CEP126: variants seen among roughly 807,000 people sequenced by gnomAD.
CEP126 encodes centrosomal protein of 126 kDa.
In CEP126, 74 loss-of-function variants were observed where a neutral mutation model predicts 107.8. That is an observed-to-expected ratio of 0.69 (90% CI 0.57 to 0.83). CEP126 has a LOEUF of 0.83. Among genes scored for constraint, CEP126 ranks in the 40% least tolerant of loss-of-function variants. The pLI is 0.00. For missense variants in CEP126, 1,237 were observed against 1,281.9 expected, an observed-to-expected ratio of 0.96 and a Z score of 0.53; for synonymous variants, 449 against 446.0, an observed-to-expected ratio of 1.01 and a Z score of -0.08.
intron 1 of CEP126, among the ~76,000 whole-genome samples, chr11:101,916,949 CTAAA>C (rs1178493008): frequency 6.6e-6 from 1 of 150,592 alleles, no homozygotes; most frequent in African/African-American, 2.4e-5. Context: ...TCCTTAAAGG[CTAAA>C]TATATAGTTA....
At chr11:101,981,800 C>T in intron 7 of CEP126, 89 bp from the exon 8 acceptor site, 1 of 687,028 alleles carries the variant, frequency 1.5e-6, no homozygotes, top group South Asian at 1.9e-5. Flanking sequence ...AAAATATATA[C>T]AGCAATTAAA....
At chr11:101,918,984 T>A (rs111726335) in intron 1 of CEP126, among the ~76,000 whole-genome samples, 25 of 152,290 alleles carry the variant, frequency 1.6e-4, no homozygotes, top group African/African-American at 4.3e-4. Flanking sequence ...TACAGGGAAA[T>A]GTTAAGAAAT....
At chr11:101,917,027 AAT>A (rs1491290324) in intron 1 of CEP126, among the ~76,000 whole-genome samples, 40 of 90,220 alleles carry the variant, frequency 4.4e-4, no homozygotes, top group African/African-American at 1.1e-3. Flanking sequence ...AAAATCCAAC[AAT>A]GTGTGTGTGT....
At chr11:101,966,966 G>T (rs183811401) in intron 6 of CEP126, among the ~76,000 whole-genome samples, 1 of 150,706 alleles carries the variant, frequency 6.6e-6, no homozygotes, top group African/African-American at 2.4e-5. Flanking sequence ...TACCCTACTG[G>T]GCTTCTTTAG....
At chr11:101,992,927 T>C in intron 10 of CEP126, 85 bp downstream of exon 10, 1 of 1,212,316 alleles carries the variant, frequency 8.2e-7, no homozygotes, top group South Asian at 3.3e-5. Flanking sequence ...GAACCCCGTA[T>C]TAATATTAAT....
chr11:101,978,470 T>C lies in CEP126; in HGVS notation c.2958+11T>C, dbSNP rs2137124717. 6.6e-7 allele frequency: 1 copy of C among 1,510,982 alleles called. No individual in the cohort carries two copies. 93.6% of individuals were successfully genotyped at this position (1,510,982 alleles called of 1,614,324 possible). A position where few individuals can be genotyped will look rare whatever the true frequency, so the allele number is the denominator to read the frequency against. On this transcript the variant is annotated intron_variant, in intron 7 of 10. Transcript: ENST00000263468. ...AGTGAGCAAATTAATGTAAGTATGG[T>C]ATTAATCAAAATCTCTATTCAATAT...
At chr11:101,979,551 C>T (rs1368117805) in intron 7 of CEP126, among the ~76,000 whole-genome samples, 2 of 152,006 alleles carry the variant, frequency 1.3e-5, no homozygotes, top group African/African-American at 2.4e-5. Context: ...AGTTCAAGAC[C>T]AGCATGGGCA....
At chr11:101,922,129 G>T (rs1169508676) in intron 1 of CEP126, among the ~76,000 whole-genome samples, 1 of 149,544 alleles carries the variant, frequency 6.7e-6, no homozygotes, top group Non-Finnish European at 1.5e-5. Flanking sequence ...TCCAGGAAAA[G>T]TGAGCTATAT....
At chr11:101,952,093 G>A (rs1463444474) in intron 4 of CEP126, among the ~76,000 whole-genome samples, 1 of 152,154 alleles carries the variant, frequency 6.6e-6, no homozygotes, top group Admixed American at 6.5e-5. Flanking sequence ...AGATAGATGA[G>A]GAGGGTATTT....
chr11:101,921,777 CTTTTT>C (rs747642967), intron 1 of CEP126, among the ~76,000 whole-genome samples: 8 of 55,004 alleles, frequency 1.5e-4, no homozygotes, highest in African/African-American at 5.8e-4. Flanking sequence ...TTCATGATTT[CTTTTT>C]TTTTTTTTTT....
At chr11:101,981,316 CAG>C in intron 7 of CEP126, among the ~76,000 whole-genome samples, 1 of 152,032 alleles carries the variant, frequency 6.6e-6, no homozygotes, top group Non-Finnish European at 1.5e-5. Flanking sequence ...ATTTTTGAGA[CAG>C]AGTCTCGCTC....
chr11:101,951,241 C>T lies in CEP126; in HGVS notation c.506+3099C>T, dbSNP rs555185738. Among the ~76,000 whole-genome samples, 4 of 152,230 alleles carry T rather than the reference C, an allele frequency of 2.6e-5. No individual in the cohort carries two copies. In the South Asian group the frequency reaches 8.3e-4, roughly 32 times the overall value. On this transcript the variant is annotated intron_variant, in intron 4 of 10. Coordinates refer to ENST00000263468, the MANE Select transcript of CEP126 (RefSeq NM_020802.4). Reference sequence around the variant, plus strand: ...AGTATAGGCTGGGCATAGTGGCCCACACCTGTAATTTCAGTGCTTTGGGAG... The same window carrying T: ...AGTATAGGCTGGGCATAGTGGCCCATACCTGTAATTTCAGTGCTTTGGGAG...
chr11:101,921,435 G>A (rs1216353497), intron 1 of CEP126, among the ~76,000 whole-genome samples: 5 of 152,094 alleles, frequency 3.3e-5, no homozygotes, highest in African/African-American at 9.6e-5. Flanking sequence ...GGCCAAGCAC[G>A]GTGGCTCACG....
At chr11:101,934,409 A>T (rs1940546635) in intron 2 of CEP126, among the ~76,000 whole-genome samples, 1 of 151,804 alleles carries the variant, frequency 6.6e-6, no homozygotes, top group African/African-American at 2.4e-5. Flanking sequence ...TCAATCTCTG[A>T]TCTATATCTC....
At chr11:101,917,637 C>T (rs908665551) in intron 1 of CEP126, among the ~76,000 whole-genome samples, 5 of 151,552 alleles carry the variant, frequency 3.3e-5, no homozygotes, top group African/African-American at 1.2e-4. Flanking sequence ...CTCTCATGTC[C>T]CCTTATACCT....
rs1311089440 is a variant in CEP126 at position 101,999,289 on chromosome 11, A to T, written c.*1646A>T. On this transcript the variant is annotated 3_prime_UTR_variant, in exon 11 of 11. Coordinates refer to ENST00000263468, the MANE Select transcript of CEP126 (RefSeq NM_020802.4). ...GAATCATTCCAAGCACCTCAGATGAAAACTCACTTTTATTAAAAAAAAAAA... is the reference window on the plus strand; with the variant it reads ...GAATCATTCCAAGCACCTCAGATGATAACTCACTTTTATTAAAAAAAAAAA... The T allele has an allele frequency of 6.6e-6, 1 of 151,836 alleles. No homozygotes were observed. The allele number at this position is 151,836 out of a possible 1,614,324, so 9.4% of individuals were successfully genotyped here. A position where few individuals can be genotyped will look rare whatever the true frequency, so the allele number is the denominator to read the frequency against.
Position 101,962,170 on chromosome 11 carries a change from C to T in CEP126, c.1135C>T (p.Leu379=), listed in dbSNP as rs1254652403. Residue 379 remains leucine (L), a synonymous_variant, in exon 6 of 11, where the codon CTA becomes TTA. Coordinates refer to ENST00000263468, the MANE Select transcript of CEP126 (RefSeq NM_020802.4). ...TGTATCTAGCCCACCCATGTTTGTA[C>T]TAGATAAAAAATGTGAAAAGACCTC... ...PFVSSPPMFV[L]DKKCEKTSET... 4 of 1,613,548 alleles carry T rather than the reference C, an allele frequency of 2.5e-6. No individual in the cohort carries two copies. In the Middle Eastern group the frequency reaches 6.6e-4, roughly 266 times the overall value.
intron 3 of CEP126, among the ~76,000 whole-genome samples, chr11:101,946,184 G>A (rs1203880519): frequency 6.6e-6 from 1 of 151,248 alleles, no homozygotes; most frequent in African/African-American, 2.4e-5. Context: ...CTTCGCTACT[G>A]TGCCCAGCCA....
At chr11:101,968,893 G>A (rs920298288) in intron 6 of CEP126, among the ~76,000 whole-genome samples, 2 of 152,150 alleles carry the variant, frequency 1.3e-5, no homozygotes, top group African/African-American at 2.4e-5. Flanking sequence ...GTAATTGGGT[G>A]TGAATGGGAA....
Sources: gnomAD v4.1 joint callset for allele counts (sites outside exome capture counted in the v4.1 genomes callset) on GRCh38, gnomAD v4.1.1 for gene constraint, MANE v1.5 for transcripts, NCBI Gene and HGNC (gene_info 2026-07-23, HGNC 2026-07-21) for gene names.